Variants in EPN2 observed in about 807,000 individuals in gnomAD.
The protein encoded by EPN2 is epsin-2.
A neutral mutation model predicts 61.7 loss-of-function variants in EPN2; 34 were observed. That is an observed-to-expected ratio of 0.55 (90% CI 0.42 to 0.73). The LOEUF is 0.73. EPN2 is among the 30% of genes least tolerant of loss of function. The pLI, the probability that EPN2 is intolerant of heterozygous loss-of-function variation, is 0.00. For synonymous variants in EPN2, 349 were observed against 353.6 expected (o/e 0.99, Z 0.15); for missense variants, 714 against 839.2 (o/e 0.85, Z 1.84).
chr17:19,284,973 C>T (rs1169732673), intron 3 of EPN2, among the ~76,000 whole-genome samples: 2 of 152,214 alleles, frequency 1.3e-5, no homozygotes, highest in Non-Finnish European at 2.9e-5. Context: ...ACAATTTAAC[C>T]TTAATCTCCA....
intron 4 of EPN2, 67 bp from the exon 5 acceptor site, chr17:19,309,818 G>C: frequency 7.7e-7 from 1 of 1,299,890 alleles, no homozygotes. Flanking sequence ...GTCTGCCCAG[G>C]AAACTGCTGT....
rs1907354984 is a variant in EPN2 at position 19,335,314 on chromosome 17, T to C, written c.*1060T>C. 13 of 1,332,174 alleles carry C rather than the reference T, an allele frequency of 9.8e-6. No individual in the cohort carries two copies. The South Asian group carries it at 1.9e-4, about 19-fold the overall frequency. 82.5% of individuals were successfully genotyped at this position (1,332,174 alleles called of 1,614,324 possible). On this transcript the variant is annotated 3_prime_UTR_variant, in exon 11 of 11. Coordinates refer to ENST00000314728, the MANE Select transcript of EPN2 (RefSeq NM_014964.5). ...CCTGAGAGGCTATTTTTCTTACGAA[T>C]ATACCAACATCCTGAAAGTTAAAGA...
At chr17:19,266,445 C>G (rs2045198757) in intron 1 of EPN2, among the ~76,000 whole-genome samples, 2 of 151,674 alleles carry the variant, frequency 1.3e-5, no homozygotes, top group South Asian at 4.2e-4. Flanking sequence ...CTCTGTCGCC[C>G]AGGCTGGAGT....
chr17:19,331,812 C>T (rs751507481), intron 9 of EPN2, 41 bp from the exon 10 acceptor site: 2 of 1,560,892 alleles, frequency 1.3e-6, no homozygotes, highest in Admixed American at 1.7e-5. Context: ...TTAGGCTCTC[C>T]CTGCCACACT....
At chr17:19,244,254 T>G (rs1011305999) in intron 1 of EPN2, among the ~76,000 whole-genome samples, 1 of 151,476 alleles carries the variant, frequency 6.6e-6, no homozygotes, top group East Asian at 1.9e-4. Flanking sequence ...AGGCCAGGAG[T>G]TGGAGACCAG....
At chr17:19,307,809 T>C (rs1905924830) in intron 4 of EPN2, 1 of 685,986 alleles carries the variant, frequency 1.5e-6, no homozygotes, top group Non-Finnish European at 1.8e-6. Context: ...CTCCCCTGGT[T>C]CTTCTGTGGA....
rs1371009674 is a variant in EPN2 at position 19,318,504 on chromosome 17, C to G, written c.1147+5225C>G. Among the ~76,000 whole-genome samples, 4 of 124,388 alleles carry G rather than the reference C, an allele frequency of 3.2e-5. No individual in the cohort carries two copies. The South Asian group carries it at 7.5e-4, about 23-fold the overall frequency. The allele number at this position is 124,388 out of a possible 152,430, so 81.6% of individuals were successfully genotyped here. Reference sequence around the variant, plus strand: ...GGCGGAGGTTGCAGTGAGCCGAGATCATGCCACTGCACTCCAGCGTGGGCA... The same window carrying G: ...GGCGGAGGTTGCAGTGAGCCGAGATGATGCCACTGCACTCCAGCGTGGGCA... On this transcript the variant is annotated intron_variant, in intron 7 of 10. Transcript: ENST00000314728.
chr17:19,268,862 C>T (rs1290796735), intron 1 of EPN2, among the ~76,000 whole-genome samples: 2 of 152,122 alleles, frequency 1.3e-5, no homozygotes, highest in Non-Finnish European at 2.9e-5. Context: ...TATAGAATGC[C>T]ACAGGCAGGC....
chr17:19,314,836 G>A (rs1192715794), intron 7 of EPN2, among the ~76,000 whole-genome samples: 1 of 152,230 alleles, frequency 6.6e-6, no homozygotes, highest in African/African-American at 2.4e-5. Flanking sequence ...GGACTGTGGT[G>A]CCCCAGGGCT....
chr17:19,271,874 C>G (rs1278622598), intron 1 of EPN2: 4 of 152,354 alleles, frequency 2.6e-5, no homozygotes, highest in Non-Finnish European at 4.4e-5. Context: ...GCCCGAAACC[C>G]AAAGTCAGCA....
At chr17:19,321,058 G>A (rs1176464427) in intron 7 of EPN2, among the ~76,000 whole-genome samples, 5 of 152,310 alleles carry the variant, frequency 3.3e-5, no homozygotes, top group Middle Eastern at 3.4e-3. Context: ...GCACACAAGC[G>A]GCATGAGTGC....
rs944009815 is a variant in EPN2 at position 19,335,864 on chromosome 17, T to A, written c.*1610T>A. On this transcript the variant is annotated 3_prime_UTR_variant, in exon 11 of 11. Transcript: ENST00000314728. ...CGTGCATTAAAGACCAGAAAAGACT[T>A]GCTTTTACCCAGGGAGGGGACATTC... 2.2e-4 allele frequency: 34 copies of A among 157,646 alleles called. No individual in the cohort carries two copies. Among genetic ancestry groups the A allele is most frequent in the Admixed American group, 1.4e-3 (21 of 15,480 alleles). 9.8% of individuals were successfully genotyped at this position (157,646 alleles called of 1,614,324 possible).
chr17:19,313,025 G>T (rs1567864803), intron 6 of EPN2, 80 bp from the exon 7 acceptor site: 4 of 1,455,570 alleles, frequency 2.7e-6, no homozygotes, highest in Non-Finnish European at 2.8e-6. Context: ...GCACAGGTGG[G>T]TGATATTTAT....
At chr17:19,314,674 G>A (rs933615198) in intron 7 of EPN2, among the ~76,000 whole-genome samples, 7 of 152,182 alleles carry the variant, frequency 4.6e-5, no homozygotes, top group African/African-American at 1.7e-4. Context: ...GAGCCCTCTG[G>A]GCCTTGGGAA....
chr17:19,272,494 A>G (rs1416563240), intron 1 of EPN2, among the ~76,000 whole-genome samples: 2 of 152,058 alleles, frequency 1.3e-5, no homozygotes, highest in African/African-American at 4.8e-5. Context: ...ACTGGTCAGA[A>G]TGGGGGCCTT....
chr17:19,318,637 A>G (rs182903614), intron 7 of EPN2, among the ~76,000 whole-genome samples: 1 of 151,226 alleles, frequency 6.6e-6, no homozygotes, highest in East Asian at 1.9e-4. Context: ...GCAGAGTTTT[A>G]AAATTCTTAG....
At chr17:19,329,437 A>T (rs1354684796) in intron 8 of EPN2, 124 bp from the exon 9 acceptor site, 2 of 630,562 alleles carry the variant, frequency 3.2e-6, no homozygotes, top group Non-Finnish European at 5.7e-6. Flanking sequence ...ATTCTCCTCC[A>T]TGAGGTAGGG....
At chr17:19,245,419 C>CTTTTT (rs57599278) in intron 1 of EPN2, among the ~76,000 whole-genome samples, 1 of 134,456 alleles carries the variant, frequency 7.4e-6, no homozygotes, top group African/African-American at 3.0e-5. Context: ...ATTTGGTAGT[C>CTTTTT]TTTTTTTTTT....
chr17:19,317,630 G>A (rs1293726906), intron 7 of EPN2, among the ~76,000 whole-genome samples: 1 of 152,228 alleles, frequency 6.6e-6, no homozygotes, highest in African/African-American at 2.4e-5. Context: ...CCCCACAGAG[G>A]AAGAGGCCGG....
Sources: allele counts gnomAD v4.1 joint callset (sites outside exome capture counted in the v4.1 genomes callset), GRCh38; gene constraint gnomAD v4.1.1; transcripts MANE v1.5; gene names NCBI Gene and HGNC (gene_info 2026-07-23, HGNC 2026-07-21).